CDH13: variants seen among roughly 807,000 people sequenced by gnomAD.
CDH13 encodes the protein cadherin 13.
CDH13 carries 24 observed loss-of-function variants against 63.8 expected under a neutral mutation model. The ratio of observed to expected loss-of-function variants is 0.38; its 90% CI spans 0.27 to 0.53. The LOEUF (loss-of-function observed/expected upper bound fraction) is 0.53. CDH13 is among the 20% of genes least tolerant of loss of function. The pLI, the probability that CDH13 is intolerant of heterozygous loss-of-function variation, is 0.85. For synonymous variants in CDH13, 503 were observed against 355.3 expected, an observed-to-expected ratio of 1.42 and a Z score of -4.67; for missense variants, 1,049 against 903.1, an observed-to-expected ratio of 1.16 and a Z score of -2.07.
intron 6 of CDH13, among the ~76,000 whole-genome samples, chr16:83,476,932 G>A (rs1175934521): frequency 6.6e-6 from 1 of 152,158 alleles, no homozygotes; most frequent in African/African-American, 2.4e-5. Flanking sequence ...CATGGGAATG[G>A]TAGATAAAAA....
intron 5 of CDH13, among the ~76,000 whole-genome samples, chr16:83,339,587 T>C (rs907060830): frequency 2.6e-5 from 4 of 152,128 alleles, no homozygotes. Flanking sequence ...GAGAGGTGCA[T>C]GCTCTGCTCA....
At chr16:83,646,700 A>AC (rs1567477992) in intron 8 of CDH13, among the ~76,000 whole-genome samples, 38 of 80,040 alleles carry the variant, frequency 4.7e-4, no homozygotes, top group African/African-American at 2.6e-3. Context: ...CTCAAAAAAA[A>AC]AAAAAAAAAA....
intron 1 of CDH13, among the ~76,000 whole-genome samples, chr16:82,810,986 C>G (rs1028058820): frequency 6.6e-6 from 1 of 152,110 alleles, no homozygotes; most frequent in Non-Finnish European, 1.5e-5. Flanking sequence ...TCTCAGTCTG[C>G]TGAAGCCTGG....
At chr16:82,779,042 G>A (rs968864400) in intron 1 of CDH13, among the ~76,000 whole-genome samples, 23 of 152,270 alleles carry the variant, frequency 1.5e-4, no homozygotes, top group Middle Eastern at 3.4e-3. Flanking sequence ...ACTTAGAGAG[G>A]AAAGATAATC....
intron 1 of CDH13, among the ~76,000 whole-genome samples, chr16:82,715,876 G>T (rs1187335037): frequency 6.6e-6 from 1 of 152,142 alleles, no homozygotes; most frequent in Non-Finnish European, 1.5e-5. Flanking sequence ...AAAATCCCCA[G>T]TCCAACTCCA....
chr16:82,869,523 A>G (rs897469153), intron 2 of CDH13, among the ~76,000 whole-genome samples: 5 of 152,216 alleles, frequency 3.3e-5, no homozygotes, highest in African/African-American at 4.8e-5. Flanking sequence ...CCAGAACAGC[A>G]GAAGCCATCT....
At chr16:82,865,144 C>T (rs963438862) in intron 2 of CDH13, among the ~76,000 whole-genome samples, 1 of 152,176 alleles carries the variant, frequency 6.6e-6, no homozygotes, top group Non-Finnish European at 1.5e-5. Context: ...CAGCCCCACT[C>T]CCAGCTGCTT....
chr16:83,414,125 T>C (rs968649745), intron 6 of CDH13, among the ~76,000 whole-genome samples: 3 of 152,236 alleles, frequency 2.0e-5, no homozygotes, highest in African/African-American at 7.2e-5. Context: ...AAGTACTCTC[T>C]GAAAAGGTAC....
At chr16:82,844,890 T>C (rs1377670838) in intron 1 of CDH13, 1 of 151,910 alleles carries the variant, frequency 6.6e-6, no homozygotes. Context: ...CTCCTGACTT[T>C]GTGATCCGCC....
intron 3 of CDH13, among the ~76,000 whole-genome samples, chr16:83,111,596 A>C (rs1365743572): frequency 6.6e-6 from 1 of 152,204 alleles, no homozygotes; most frequent in East Asian, 1.9e-4. Context: ...CCACTAGAGC[A>C]TATGAAGGGC....
intron 7 of CDH13, among the ~76,000 whole-genome samples, chr16:83,524,300 G>T (rs8054191): frequency 0.46 from 69,477 of 151,958 alleles, 16,571 homozygotes; most frequent in Non-Finnish European, 0.53. Context: ...CTTATTTAGT[G>T]TGTTTATGCA....
At chr16:83,643,646 G>A (rs188468068) in intron 8 of CDH13, among the ~76,000 whole-genome samples, 49 of 152,092 alleles carry the variant, frequency 3.2e-4, no homozygotes, top group Non-Finnish European at 6.2e-4. Flanking sequence ...TTTCTTGGTG[G>A]CAATAAAGGG....
intron 3 of CDH13, among the ~76,000 whole-genome samples, chr16:83,060,456 G>T (rs1401304155): frequency 6.6e-6 from 1 of 152,178 alleles, no homozygotes; most frequent in African/African-American, 2.4e-5. Flanking sequence ...TCTTCCTGAT[G>T]TTTACTGAGC....
At chr16:83,020,445 C>T (rs1386341437) in intron 2 of CDH13, among the ~76,000 whole-genome samples, 2 of 152,294 alleles carry the variant, frequency 1.3e-5, no homozygotes, top group Non-Finnish European at 2.9e-5. Flanking sequence ...ATGTACCCCT[C>T]AAGGTGCCAA....
intron 11 of CDH13, among the ~76,000 whole-genome samples, chr16:83,772,000 T>C (rs185339527): frequency 4.6e-5 from 7 of 152,338 alleles, no homozygotes; most frequent in African/African-American, 1.7e-4. Context: ...AGCTAAGGTT[T>C]GCTCCTGGTA....
At chr16:82,989,718 G>A (rs1193550931) in intron 2 of CDH13, among the ~76,000 whole-genome samples, 1 of 152,190 alleles carries the variant, frequency 6.6e-6, no homozygotes, top group Non-Finnish European at 1.5e-5. Flanking sequence ...TCTCAATGCT[G>A]GCTCTCGTAG....
chr16:83,340,414 C>T (rs545880246), intron 5 of CDH13, among the ~76,000 whole-genome samples: 5 of 152,192 alleles, frequency 3.3e-5, no homozygotes, highest in Admixed American at 2.6e-4. Context: ...ATGAGTCCAA[C>T]AGCCACACAG....
intron 11 of CDH13, among the ~76,000 whole-genome samples, chr16:83,762,940 C>G (rs1914093076): frequency 1.3e-5 from 2 of 152,148 alleles, no homozygotes; most frequent in Non-Finnish European, 2.9e-5. Context: ...AAGACGAAAA[C>G]AAAAGGTGTC....
intron 2 of CDH13, among the ~76,000 whole-genome samples, chr16:82,936,191 G>C (rs1597247994): frequency 6.6e-6 from 1 of 152,136 alleles, no homozygotes; most frequent in Admixed American, 6.5e-5. Flanking sequence ...ACCTGTGCAA[G>C]TCTCCAGCTT....
Sources: gnomAD v4.1 joint callset for allele counts (sites outside exome capture counted in the v4.1 genomes callset) on GRCh38, gnomAD v4.1.1 for gene constraint, MANE v1.5 for transcripts, NCBI Gene and HGNC (gene_info 2026-07-23, HGNC 2026-07-21) for gene names.